CEP78: variants seen among roughly 807,000 people sequenced by gnomAD.
CEP78 encodes the protein centrosomal protein of 78 kDa.
A neutral mutation model predicts 81.2 loss-of-function variants in CEP78; 76 were observed. The ratio of observed to expected loss-of-function variants is 0.94; its 90% CI spans 0.78 to 1.13. CEP78 has a LOEUF of 1.13. Among genes scored for constraint, CEP78 ranks in the 50% most tolerant of loss-of-function variants. The probability of loss-of-function intolerance (pLI) is 0.00; values close to 1 mark genes in which losing one functional copy is unlikely to be tolerated. For synonymous variants in CEP78, 293 were observed against 301.4 expected (o/e 0.97, Z 0.29); for missense variants, 918 against 846.8 (o/e 1.08, Z -1.04).
At chr9:78,243,690 A>G in intron 5 of CEP78, 54 bp downstream of exon 5, 1 of 1,458,814 alleles carries the variant, frequency 6.9e-7, no homozygotes, top group Non-Finnish European at 9.5e-7. Context: ...GATATTAAAT[A>G]TGCTTAACTC....
chr9:78,259,422 T>C (rs12555718), intron 11 of CEP78, among the ~76,000 whole-genome samples: 92,622 of 152,044 alleles, frequency 0.61, 28,681 homozygotes, highest in Admixed American at 0.7. Context: ...GGGTATATGG[T>C]TACATGAGTA....
At position 78,275,938 on chromosome 9, in the gene CEP78, CT is replaced by C. The variant is rs1827795034; in HGVS notation, c.*5088del. ...CTCTCTAGCCTGGGCAAGAGTGAGA[CT>C]CCGACTCAAGAAGAGAAAAAGAAAA... On this transcript the variant is annotated 3_prime_UTR_variant, in exon 17 of 17. Coordinates refer to ENST00000643273, the MANE Select transcript of CEP78 (RefSeq NM_001330691.3). 6.6e-6 allele frequency: 1 copy of C among 152,228 alleles called. No homozygotes were observed. Among genetic ancestry groups the C allele is most frequent in the Admixed American group, 6.6e-5 (1 of 15,256 alleles). 9.4% of individuals were successfully genotyped at this position (152,228 alleles called of 1,614,324 possible). A position where few individuals can be genotyped will look rare whatever the true frequency, so the allele number is the denominator to read the frequency against.
At chr9:78,255,033 T>C (rs1826954907) in intron 11 of CEP78, 69 bp downstream of exon 11, 2 of 1,374,536 alleles carry the variant, frequency 1.5e-6, no homozygotes, top group Non-Finnish European at 1.0e-6. Flanking sequence ...TGGTGAAAGC[T>C]TGATTATGAA....
rs932447338 is a variant in CEP78 at position 78,270,557 on chromosome 9, A to G, written c.2108-284A>G. 3.9e-5 allele frequency among the ~76,000 whole-genome samples: 6 copies of G among 152,184 alleles called. No homozygotes were observed. In the South Asian group the frequency reaches 8.3e-4, roughly 21 times the overall value. ...AGGACCCTTTTCAGAAAACATTCAGATGTGATACTGTAGCAAAGAGCTTGT... is the reference window on the plus strand; with the variant it reads ...AGGACCCTTTTCAGAAAACATTCAGGTGTGATACTGTAGCAAAGAGCTTGT... On this transcript the variant is annotated intron_variant, in intron 16 of 16. Coordinates refer to ENST00000643273, the MANE Select transcript of CEP78 (RefSeq NM_001330691.3).
At chr9:78,261,045 G>A (rs1231646765) in intron 11 of CEP78, among the ~76,000 whole-genome samples, 1 of 151,986 alleles carries the variant, frequency 6.6e-6, no homozygotes, top group Non-Finnish European at 1.5e-5. Context: ...CTGCCTCCCG[G>A]GTTCAAGTGA....
intron 11 of CEP78, among the ~76,000 whole-genome samples, chr9:78,262,657 C>T (rs1316251513): frequency 2.0e-5 from 3 of 151,906 alleles, no homozygotes; most frequent in Non-Finnish European, 4.4e-5. Context: ...ATGTGTATGC[C>T]TTCTATGGTG....
At chr9:78,252,600 G>C (rs536156092) in intron 9 of CEP78, among the ~76,000 whole-genome samples, 1 of 152,286 alleles carries the variant, frequency 6.6e-6, no homozygotes, top group South Asian at 2.1e-4. Context: ...CTTAATAAAT[G>C]AATTAGATTA....
intron 1 of CEP78, among the ~76,000 whole-genome samples, chr9:78,238,266 A>G (rs1826058680): frequency 6.6e-6 from 1 of 152,304 alleles, no homozygotes; most frequent in South Asian, 2.1e-4. Context: ...GCGTCTTTCC[A>G]TGACACAGCC....
chr9:78,248,967 C>G (rs1286828715), intron 8 of CEP78, 94 bp downstream of exon 8: 3 of 545,304 alleles, frequency 5.5e-6, no homozygotes, highest in African/African-American at 4.0e-5. Context: ...ACAGTAACAA[C>G]CAATATTGAC....
intron 1 of CEP78, among the ~76,000 whole-genome samples, chr9:78,237,431 T>G (rs532581031): frequency 6.6e-6 from 1 of 152,332 alleles, no homozygotes; most frequent in East Asian, 1.9e-4. Context: ...GACAAAATGC[T>G]GTTATTCCTT....
rs569067998 is a variant in CEP78, at chr9:78,238,287, G to A, written c.253+1684G>A. 5.9e-5 allele frequency among the ~76,000 whole-genome samples: 9 copies of A among 152,288 alleles called. No homozygotes were observed. The South Asian group carries it at 1.7e-3, about 28-fold the overall frequency. On this transcript the variant is annotated intron_variant, in intron 1 of 16. Coordinates refer to ENST00000643273, the MANE Select transcript of CEP78 (RefSeq NM_001330691.3). ...TTCCATGACACAGCCGAGTTAACTC[G>A]AATGAGATTGGGGGTGGGAGGAGGA...
rs1827773564 is a variant in CEP78 at position 78,275,099 on chromosome 9, TAGA to T, written c.*4251_*4253del. The T allele has an allele frequency of 6.6e-6, 1 of 152,194 alleles. No individual in the cohort carries two copies. Among genetic ancestry groups the T allele is most frequent in the South Asian group, 2.1e-4 (1 of 4,834 alleles). The allele number at this position is 152,194 out of a possible 1,614,324, so 9.4% of individuals were successfully genotyped here. A position where few individuals can be genotyped will look rare whatever the true frequency, so the allele number is the denominator to read the frequency against. On this transcript the variant is annotated 3_prime_UTR_variant, in exon 17 of 17. Coordinates refer to ENST00000643273, the MANE Select transcript of CEP78 (RefSeq NM_001330691.3). Reference sequence around the variant, plus strand: ...AAATTGCCAGCATTAGGAATAATTTTAGAAGGATACCTACAACTAGAAGAGATA... The same window carrying T: ...AAATTGCCAGCATTAGGAATAATTTTAGGATACCTACAACTAGAAGAGATA...
intron 15 of CEP78, 123 bp from the exon 16 acceptor site, chr9:78,266,319 T>C: frequency 1.4e-6 from 1 of 730,680 alleles, no homozygotes; most frequent in Non-Finnish European, 2.2e-6. Flanking sequence ...TGGCAAGATA[T>C]AATTAGGGCA....
intron 11 of CEP78, among the ~76,000 whole-genome samples, chr9:78,261,345 T>G (rs1170485838): frequency 6.6e-6 from 1 of 152,174 alleles, no homozygotes; most frequent in African/African-American, 2.4e-5. Flanking sequence ...AGGATAACAT[T>G]TGATATTTCT....
intron 6 of CEP78, among the ~76,000 whole-genome samples, chr9:78,247,815 T>C (rs1826567470): frequency 1.3e-5 from 2 of 152,086 alleles, no homozygotes; most frequent in African/African-American, 4.8e-5. Flanking sequence ...ACAAGACTTG[T>C]GGGGTATAAA....
At chr9:78,244,255 A>G (rs1044211677) in intron 5 of CEP78, among the ~76,000 whole-genome samples, 2 of 147,190 alleles carry the variant, frequency 1.4e-5, no homozygotes, top group African/African-American at 5.0e-5. Flanking sequence ...CTCCCACTAT[A>G]CCCTCCGAGT....
In CEP78 at chr9:78,243,626, A is replaced by G. The variant is rs1172104367; in HGVS notation, c.768A>G (p.Leu256=). 6.2e-7 allele frequency: 1 copy of G among 1,612,782 alleles called. No individual in the cohort carries two copies. The highest frequency in any genetic ancestry group is 1.7e-5 in the Admixed American group (1 of 59,862). The change falls in exon 5 of 17, where the codon TTA becomes TTG. Residue 256 remains leucine (L), a synonymous_variant. Transcript: ENST00000643273. ...TTGCAGACTCTCTCAGTGAGGATTTATGGCTGAGAGGTAAGTTAAATGAAC... is the reference window on the plus strand; with the variant it reads ...TTGCAGACTCTCTCAGTGAGGATTTGTGGCTGAGAGGTAAGTTAAATGAAC... ...CAFADSLSED[L]WLRALDLQQC...
Position 78,275,915 on chromosome 9 carries a change from C to G in CEP78, c.*5064C>G, listed in dbSNP as rs1442756946. 2.0e-5 allele frequency: 3 copies of G among 152,274 alleles called. No homozygotes were observed. The highest frequency in any genetic ancestry group is 6.5e-5 in the Admixed American group (1 of 15,278). The allele number at this position is 152,274 out of a possible 1,614,324, so 9.4% of individuals were successfully genotyped here. On this transcript the variant is annotated 3_prime_UTR_variant, in exon 17 of 17. Coordinates refer to ENST00000643273, the MANE Select transcript of CEP78 (RefSeq NM_001330691.3). The stretch of plus-strand genomic sequence containing the variant: ...GAGCTGTGATCATGCCACCACTGCT[C>G]TCTAGCCTGGGCAAGAGTGAGACTC...
At chr9:78,246,841 A>G (rs971672954) in intron 6 of CEP78, 59 bp downstream of exon 6, 1 of 952,758 alleles carries the variant, frequency 1.0e-6, no homozygotes. Context: ...AGAATTTCTC[A>G]TGTATTGACA....
Sources: allele counts gnomAD v4.1 joint callset (sites outside exome capture counted in the v4.1 genomes callset), GRCh38; gene constraint gnomAD v4.1.1; transcripts MANE v1.5; gene names NCBI Gene and HGNC (gene_info 2026-07-23, HGNC 2026-07-21).